TBCK: variants seen among roughly 807,000 people sequenced by gnomAD.
TBCK encodes TBC1 domain containing kinase.
Under a neutral mutation model 113.4 loss-of-function variants are expected in TBCK, and 99 were observed. That is an observed-to-expected ratio of 0.87 (90% CI 0.74 to 1.03). The LOEUF (loss-of-function observed/expected upper bound fraction) is 1.03. TBCK is among the 50% of genes least tolerant of loss of function. The pLI, the probability that TBCK is intolerant of heterozygous loss-of-function variation, is 0.00. For missense variants in TBCK, 1,045 were observed against 1,061.3 expected (o/e 0.98, Z 0.21); for synonymous variants, 369 against 370.8 (o/e 1.00, Z 0.05).
At position 106,230,253 on chromosome 4, in the gene TBCK, A is replaced by G. The variant is rs576220671; in HGVS notation, c.1774+110T>C. 275 of 532,488 alleles carry G rather than the reference A, an allele frequency of 5.2e-4. 4 individuals carry two copies. Among genetic ancestry groups the G allele is most frequent in the Admixed American group, 2.6e-3 (84 of 32,668 alleles). 33.0% of individuals were successfully genotyped at this position (532,488 alleles called of 1,614,324 possible). On this transcript the variant is annotated intron_variant, in intron 19 of 25. Coordinates refer to ENST00000394708, the MANE Select transcript of TBCK (RefSeq NM_001163435.3). ...TCTCTTTATGGATTTTATTGGATGGACCATCATCGTATTTTTGGGGTCAAA... is the reference window on the plus strand; with the variant it reads ...TCTCTTTATGGATTTTATTGGATGGGCCATCATCGTATTTTTGGGGTCAAA...
intron 24 of TBCK, among the ~76,000 whole-genome samples, chr4:106,099,815 C>A (rs1024183775): frequency 6.6e-6 from 1 of 152,054 alleles, no homozygotes; most frequent in Non-Finnish European, 1.5e-5. Flanking sequence ...TTTGTCTTTT[C>A]TCTTGGAAAT....
At chr4:106,242,858 C>A (rs1369364433) in intron 11 of TBCK, among the ~76,000 whole-genome samples, 1 of 117,094 alleles carries the variant, frequency 8.5e-6, no homozygotes, top group Admixed American at 9.7e-5. Context: ...AGCTATCCCT[C>A]CCCCTCCCCC....
chr4:106,256,191 G>T (rs1761966935), intron 5 of TBCK, among the ~76,000 whole-genome samples: 1 of 152,152 alleles, frequency 6.6e-6, no homozygotes, highest in East Asian at 1.9e-4. Context: ...GGGACCTGCA[G>T]CCCATCTCCC....
chr4:106,088,495 G>A (rs1294530601), intron 25 of TBCK, among the ~76,000 whole-genome samples: 1 of 152,186 alleles, frequency 6.6e-6, no homozygotes, highest in African/African-American at 2.4e-5. Context: ...TACACTGTTG[G>A]TAGGAATGTA....
At chr4:106,285,224 C>T (rs1231889815) in intron 3 of TBCK, among the ~76,000 whole-genome samples, 1 of 152,010 alleles carries the variant, frequency 6.6e-6, no homozygotes, top group Non-Finnish European at 1.5e-5. Context: ...AGCCAACTAT[C>T]CACACAAATA....
At chr4:106,175,185 T>C (rs1459860562) in intron 22 of TBCK, among the ~76,000 whole-genome samples, 2 of 151,710 alleles carry the variant, frequency 1.3e-5, no homozygotes, top group Non-Finnish European at 2.9e-5. Context: ...ACAATTTTCA[T>C]TGTTATGTTT....
At chr4:106,077,545 C>T (rs1738354711) in intron 25 of TBCK, among the ~76,000 whole-genome samples, 1 of 152,066 alleles carries the variant, frequency 6.6e-6, no homozygotes, top group Non-Finnish European at 1.5e-5. Flanking sequence ...AACATTAAAG[C>T]AACAACAATC....
At chr4:106,095,404 T>C (rs2149518368) in intron 25 of TBCK, 78 bp downstream of exon 25, 4 of 1,333,882 alleles carry the variant, frequency 3.0e-6, no homozygotes, top group South Asian at 1.6e-5. Context: ...TGAAGAAATA[T>C]ACTTTTAGAT....
intron 3 of TBCK, among the ~76,000 whole-genome samples, chr4:106,267,565 T>C (rs1763103790): frequency 6.6e-6 from 1 of 151,952 alleles, no homozygotes; most frequent in South Asian, 2.1e-4. Context: ...AATTTACTTA[T>C]AACATTGGTG....
chr4:106,073,002 C>T (rs1737672237), intron 25 of TBCK, among the ~76,000 whole-genome samples: 1 of 152,142 alleles, frequency 6.6e-6, no homozygotes, highest in Non-Finnish European at 1.5e-5. Context: ...TTCGTCTAAT[C>T]CTTTTTCAAG....
At chr4:106,304,307 G>C (rs962140448) in intron 2 of TBCK, among the ~76,000 whole-genome samples, 15 of 152,076 alleles carry the variant, frequency 9.9e-5, no homozygotes, top group African/African-American at 3.6e-4. Flanking sequence ...TCCCAGTTCA[G>C]AGATTAACAC....
intron 12 of TBCK, among the ~76,000 whole-genome samples, chr4:106,240,951 C>A (rs559098540): frequency 6.6e-6 from 1 of 152,094 alleles, no homozygotes; most frequent in East Asian, 1.9e-4. Context: ...CAGTCTCTAT[C>A]GCAACTACTC....
chr4:106,107,606 C>T (rs943743808), intron 24 of TBCK, among the ~76,000 whole-genome samples: 17 of 152,142 alleles, frequency 1.1e-4, no homozygotes, highest in Admixed American at 9.8e-4. Flanking sequence ...ATACAACATA[C>T]CAGAATCTCT....
intron 3 of TBCK, among the ~76,000 whole-genome samples, chr4:106,274,788 C>T (rs1763836951): frequency 6.6e-6 from 1 of 152,050 alleles, no homozygotes; most frequent in Non-Finnish European, 1.5e-5. Flanking sequence ...ACTGAATTTT[C>T]CCTTTCATAA....
chr4:106,098,567 G>A (rs10516530), intron 24 of TBCK, among the ~76,000 whole-genome samples: 5,513 of 151,992 alleles, frequency 0.036, 394 homozygotes, highest in East Asian at 0.28. Flanking sequence ...ACTTGAAAGC[G>A]TTAAAAGATA....
chr4:106,103,746 C>T (rs1223970740), intron 24 of TBCK, among the ~76,000 whole-genome samples: 3 of 152,198 alleles, frequency 2.0e-5, no homozygotes, highest in Non-Finnish European at 4.4e-5. Context: ...GTGTGTGTGG[C>T]TCTCATGGAG....
intron 3 of TBCK, among the ~76,000 whole-genome samples, chr4:106,275,998 A>G (rs1763987735): frequency 6.6e-6 from 1 of 152,162 alleles, no homozygotes; most frequent in Non-Finnish European, 1.5e-5. Flanking sequence ...GAAAATCTAT[A>G]TTTACTGACT....
At chr4:106,181,393 T>C (rs926674255) in intron 22 of TBCK, among the ~76,000 whole-genome samples, 13 of 152,232 alleles carry the variant, frequency 8.5e-5, no homozygotes, top group Admixed American at 5.2e-4. Flanking sequence ...TTTGTCAATT[T>C]TGGCTTTTGT....
At chr4:106,218,299 A>G (rs1472909947) in intron 19 of TBCK, among the ~76,000 whole-genome samples, 1 of 151,082 alleles carries the variant, frequency 6.6e-6, no homozygotes, top group East Asian at 2.0e-4. Context: ...CATTCAGGAC[A>G]TACGCATGGG....
Sources: gnomAD v4.1 joint callset for allele counts (sites outside exome capture counted in the v4.1 genomes callset) on GRCh38, gnomAD v4.1.1 for gene constraint, MANE v1.5 for transcripts, NCBI Gene and HGNC (gene_info 2026-07-23, HGNC 2026-07-21) for gene names.